Variants in ZNF236 observed in about 807,000 individuals in gnomAD.
ZNF236 encodes zinc finger protein 236, also known as regulated by glucose.
Under a neutral mutation model 191.2 loss-of-function variants are expected in ZNF236, and 50 were observed. The ratio of observed to expected loss-of-function variants is 0.26; its 90% CI spans 0.21 to 0.33. The LOEUF (loss-of-function observed/expected upper bound fraction) is 0.33. Among genes scored for constraint, ZNF236 ranks in the 10% least tolerant of loss-of-function variants. ZNF236 has a pLI of 1.00. For synonymous variants in ZNF236, 907 were observed against 928.8 expected (o/e 0.98, Z 0.43); for missense variants, 1,754 against 2,374.5 (o/e 0.74, Z 5.43).
chr18:76,887,869 T>A (rs1977104188), intron 9 of ZNF236: 1 of 151,840 alleles, frequency 6.6e-6, no homozygotes. Flanking sequence ...GCATTCAAGG[T>A]GAGATTTGGG....
intron 26 of ZNF236, among the ~76,000 whole-genome samples, chr18:76,941,740 T>A (rs1483240023): frequency 5.9e-5 from 9 of 152,218 alleles, no homozygotes; most frequent in Non-Finnish European, 1.5e-5. Flanking sequence ...TTCTTTTCTG[T>A]ACTTTAAAAA....
At chr18:76,882,559 T>C (rs996998526) in intron 9 of ZNF236, among the ~76,000 whole-genome samples, 5 of 152,218 alleles carry the variant, frequency 3.3e-5, no homozygotes, top group African/African-American at 1.2e-4. Context: ...TGTGAAAACC[T>C]TTCCCAGTTG....
intron 3 of ZNF236, among the ~76,000 whole-genome samples, chr18:76,867,946 G>A (rs1431049088): frequency 6.6e-6 from 1 of 151,468 alleles, no homozygotes; most frequent in East Asian, 1.9e-4. Context: ...TGAAAGATGA[G>A]GAATTTAAAA....
intron 26 of ZNF236, among the ~76,000 whole-genome samples, chr18:76,944,673 T>C (rs569090301): frequency 6.6e-6 from 1 of 152,228 alleles, no homozygotes; most frequent in South Asian, 2.1e-4. Context: ...TCCCAGCTAC[T>C]TGGGAGTCTG....
chr18:76,831,917 T>TA (rs1275481693), intron 1 of ZNF236, among the ~76,000 whole-genome samples: 1 of 152,226 alleles, frequency 6.6e-6, no homozygotes, highest in Admixed American at 6.5e-5. Context: ...GATGAGTTTT[T>TA]TATAGTCTCC....
At chr18:76,910,038 G>A (rs1967175715) in intron 14 of ZNF236, 30 bp from the exon 15 acceptor site, 3 of 1,548,498 alleles carry the variant, frequency 1.9e-6, no homozygotes, top group Non-Finnish European at 2.7e-6. Context: ...CCAAATGTAT[G>A]CGTCCCCCTT....
chr18:76,833,321 T>A (rs1437604626), intron 1 of ZNF236, among the ~76,000 whole-genome samples: 1 of 152,188 alleles, frequency 6.6e-6, no homozygotes, highest in Admixed American at 6.6e-5. Context: ...ACTAGGGTGC[T>A]TGTTGTGGGT....
chr18:76,968,386 T>C lies in ZNF236; in HGVS notation c.*47T>C, dbSNP rs1425846699. 1 of 1,576,010 alleles carries C rather than the reference T, an allele frequency of 6.3e-7. No individual in the cohort carries two copies. Among genetic ancestry groups the C allele is most frequent in the African/African-American group, 1.4e-5 (1 of 72,680 alleles). On this transcript the variant is annotated 3_prime_UTR_variant, in exon 31 of 31. Transcript: ENST00000320610. Reference sequence around the variant, plus strand: ...TAAGAATGTTTCTGAAGTTACGTTTTGTGAAGAGCAAAGCACTTGGAATCT... The same window carrying C: ...TAAGAATGTTTCTGAAGTTACGTTTCGTGAAGAGCAAAGCACTTGGAATCT...
intron 4 of ZNF236, among the ~76,000 whole-genome samples, chr18:76,869,895 G>T (rs1038918389): frequency 5.9e-5 from 9 of 152,344 alleles, no homozygotes; most frequent in African/African-American, 2.2e-4. Flanking sequence ...GGTGGAGGTT[G>T]CAGTGAGCCG....
chr18:76,921,736 TC>T (rs1658644949), intron 20 of ZNF236, among the ~76,000 whole-genome samples: 3 of 127,334 alleles, frequency 2.4e-5, no homozygotes, highest in Admixed American at 1.9e-4. Context: ...AGTGGGATGT[TC>T]TTTTTTTTTT....
chr18:76,834,706 A>G (rs940864936), intron 1 of ZNF236: 15 of 449,180 alleles, frequency 3.3e-5, no homozygotes, highest in South Asian at 2.0e-4. Flanking sequence ...GCTGACCTTT[A>G]TAGTGTCCTC....
chr18:76,927,221 T>C lies in ZNF236; in HGVS notation c.4173+39T>C. On this transcript the variant is annotated intron_variant, in intron 23 of 30. Coordinates refer to ENST00000320610, the MANE Select transcript of ZNF236 (RefSeq NM_001306089.2). The surrounding 1 kb of genome is among the most constrained non-coding windows in gnomAD (Gnocchi z 5.4). ...CATGGTCTCCTGTGCTGTAATTCTC[T>C]TGGCATCACAGAGAAGCATGAAGTT... 1.9e-6 allele frequency: 3 copies of C among 1,611,748 alleles called. No individual in the cohort carries two copies. The highest frequency in any genetic ancestry group is 1.3e-5 in the African/African-American group (1 of 75,000).
At chr18:76,840,812 T>TG (rs775193235) in intron 1 of ZNF236, 1 of 145,112 alleles carries the variant, frequency 6.9e-6, no homozygotes, top group African/African-American at 2.5e-5. Flanking sequence ...TGTGTGTGTT[T>TG]TCTTTCTTTC....
Position 76,925,591 on chromosome 18 carries a change from G to T in ZNF236, c.4027+37G>T. On this transcript the variant is annotated intron_variant, in intron 22 of 30. Transcript: ENST00000320610. The surrounding 1 kb of genome is among the most constrained non-coding windows in gnomAD (Gnocchi z 5.7). ...GCCGAGGGAATGAGAGCAGCACAGT[G>T]ATTGAACTGTTCTGTGCTGCTTCTG... is the stretch of plus-strand genomic sequence containing the variant. 1 of 1,596,712 alleles carries T rather than the reference G, an allele frequency of 6.3e-7. No individual in the cohort carries two copies. Among genetic ancestry groups the T allele is most frequent in the South Asian group, 1.1e-5 (1 of 89,830 alleles).
chr18:76,967,976 T>C lies in ZNF236; in HGVS notation c.5420-239T>C, dbSNP rs186099459. Among the ~76,000 whole-genome samples the C allele has an allele frequency of 4.5e-4, 68 of 152,322 alleles. No individual in the cohort carries two copies. The East Asian group carries it at 0.012, about 26-fold the overall frequency. On this transcript the variant is annotated intron_variant, in intron 30 of 30. Coordinates refer to ENST00000320610, the MANE Select transcript of ZNF236 (RefSeq NM_001306089.2). ...TGATGCTGTGTTAATGTAGCTGTCA[T>C]AGGAGTGCACTCATATCACCAGTGC... is the stretch of plus-strand genomic sequence containing the variant.
Position 76,970,175 on chromosome 18 carries a change from C to T in ZNF236, c.*1836C>T, listed in dbSNP as rs1459548814. 1 of 152,552 alleles carries T rather than the reference C, an allele frequency of 6.6e-6. No individual in the cohort carries two copies. Among genetic ancestry groups the T allele is most frequent in the Non-Finnish European group, 1.5e-5 (1 of 68,018 alleles). 9.4% of individuals were successfully genotyped at this position (152,552 alleles called of 1,614,324 possible). ...ATTAATTTTGGTGAAAAAATATCCC[C>T]AAAGTGGAAATTATTGGAATTTTAA... is the stretch of plus-strand genomic sequence containing the variant. On this transcript the variant is annotated 3_prime_UTR_variant, in exon 31 of 31. Transcript: ENST00000320610.
intron 1 of ZNF236, among the ~76,000 whole-genome samples, chr18:76,847,065 T>G (rs1226684302): frequency 6.6e-6 from 1 of 152,200 alleles, no homozygotes; most frequent in Non-Finnish European, 1.5e-5. Flanking sequence ...AGTGTTGGAA[T>G]TACAGGCATG....
At chr18:76,824,775 G>A (rs1974969726) in intron 1 of ZNF236, among the ~76,000 whole-genome samples, 1 of 152,126 alleles carries the variant, frequency 6.6e-6, no homozygotes, top group Non-Finnish European at 1.5e-5. Context: ...CTAATTTAGT[G>A]TTGCAGCTTC....
Position 76,947,640 on chromosome 18 carries a change from A to G in ZNF236, c.4902A>G (p.Glu1634=), listed in dbSNP as rs754387008. 1 of 1,613,582 alleles carries G rather than the reference A, an allele frequency of 6.2e-7. No individual in the cohort carries two copies. The highest frequency in any genetic ancestry group is 1.7e-5 in the Admixed American group (1 of 59,980). ...TPQSASAACE[E]IAYQVAGVSG... ...AGTCAGCGTCTGCTGCTTGTGAAGA[A>G]ATAGCCTACCAGGTACAGGATATTC... Residue 1634 remains glutamate (E), a synonymous_variant, in exon 27 of 31, where the codon GAA becomes GAG. Transcript: ENST00000320610.
Sources: gnomAD v4.1 joint callset for allele counts (sites outside exome capture counted in the v4.1 genomes callset) on GRCh38, gnomAD v4.1.1 for gene constraint, Gnocchi (gnomAD v3.1) non-coding constraint, MANE v1.5 for transcripts, NCBI Gene and HGNC (gene_info 2026-07-23, HGNC 2026-07-21) for gene names.